The following RIC8B variants were observed in gnomAD, a reference collection of about 807,000 sequenced individuals.
The protein encoded by RIC8B is RIC8 guanine nucleotide exchange factor B.
A neutral mutation model predicts 57.5 loss-of-function variants in RIC8B; 16 were observed. That is an observed-to-expected ratio of 0.28 (90% CI 0.19 to 0.42). The LOEUF (loss-of-function observed/expected upper bound fraction) is 0.42. Among genes scored for constraint, RIC8B ranks in the 10% least tolerant of loss-of-function variants. The probability of loss-of-function intolerance (pLI) is 1.00; values close to 1 mark genes in which losing one functional copy is unlikely to be tolerated. For missense variants in RIC8B, 481 were observed against 677.0 expected, an observed-to-expected ratio of 0.71 and a Z score of 3.21; for synonymous variants, 216 against 250.8, an observed-to-expected ratio of 0.86 and a Z score of 1.31.
At chr12:106,836,610 T>C (rs2046611012) in intron 4 of RIC8B, among the ~76,000 whole-genome samples, 2 of 152,236 alleles carry the variant, frequency 1.3e-5, no homozygotes, top group South Asian at 4.1e-4. Flanking sequence ...ATGTATCGAA[T>C]GAACCACTTC....
At chr12:106,821,667 AAAG>A (rs1354141133) in intron 3 of RIC8B, among the ~76,000 whole-genome samples, 4 of 152,230 alleles carry the variant, frequency 2.6e-5, no homozygotes, top group Non-Finnish European at 5.9e-5. Flanking sequence ...GAATTCATCA[AAAG>A]AAGCAAAAAG....
At chr12:106,822,676 A>T (rs559187329) in intron 3 of RIC8B, 2 of 152,348 alleles carry the variant, frequency 1.3e-5, no homozygotes, top group East Asian at 1.9e-4. Flanking sequence ...ACTGCTCAAA[A>T]GTTTCTAAAT....
chr12:106,825,919 A>G (rs1356712598), intron 4 of RIC8B, 99 bp downstream of exon 4: 3 of 769,942 alleles, frequency 3.9e-6, no homozygotes, highest in African/African-American at 1.7e-5. Flanking sequence ...AGAAAGTGAA[A>G]ATACTACAGT....
At chr12:106,783,102 A>C (rs761666886) in intron 1 of RIC8B, among the ~76,000 whole-genome samples, 4 of 152,174 alleles carry the variant, frequency 2.6e-5, no homozygotes, top group African/African-American at 4.8e-5. Flanking sequence ...ACAGAGTAGA[A>C]AATATAGTAT....
intron 4 of RIC8B, among the ~76,000 whole-genome samples, chr12:106,828,953 G>A (rs550343108): frequency 6.6e-6 from 1 of 152,138 alleles, no homozygotes; most frequent in East Asian, 1.9e-4. Context: ...TGCTTTAGGA[G>A]AAAAGTAGGT....
chr12:106,835,372 T>C (rs536082452), intron 4 of RIC8B, among the ~76,000 whole-genome samples: 2 of 152,310 alleles, frequency 1.3e-5, no homozygotes, highest in African/African-American at 4.8e-5. Context: ...AGTACCATAA[T>C]CTCTCATTCC....
At chr12:106,784,178 A>G (rs1398553515) in intron 2 of RIC8B, 134 bp downstream of exon 2, 2 of 820,140 alleles carry the variant, frequency 2.4e-6, no homozygotes, top group Non-Finnish European at 3.9e-6. Context: ...TTTTTTAGGA[A>G]CCCTGAGAAG....
intron 4 of RIC8B, among the ~76,000 whole-genome samples, chr12:106,833,424 A>G (rs2046446308): frequency 6.6e-6 from 1 of 152,080 alleles, no homozygotes. Flanking sequence ...CAACATGGAG[A>G]AACCCTGTCT....
intron 4 of RIC8B, among the ~76,000 whole-genome samples, chr12:106,835,303 C>A (rs1014181821): frequency 6.6e-6 from 1 of 152,280 alleles, no homozygotes; most frequent in East Asian, 1.9e-4. Flanking sequence ...ACTAAGACCC[C>A]TCCTTTAGAG....
chr12:106,850,650 G>T (rs971822605), intron 6 of RIC8B, among the ~76,000 whole-genome samples: 1 of 152,042 alleles, frequency 6.6e-6, no homozygotes, highest in Non-Finnish European at 1.5e-5. Context: ...TCTCCTTTGC[G>T]GGATTACTGT....
chr12:106,841,672 C>T (rs554077441), intron 4 of RIC8B, among the ~76,000 whole-genome samples: 42 of 152,152 alleles, frequency 2.8e-4, no homozygotes, highest in African/African-American at 9.6e-4. Flanking sequence ...AATAAAATGC[C>T]TGTCTTTCCA....
chr12:106,782,838 C>A (rs191086650), intron 1 of RIC8B, among the ~76,000 whole-genome samples: 39 of 152,298 alleles, frequency 2.6e-4, no homozygotes, highest in African/African-American at 8.9e-4. Context: ...GTACTTCACT[C>A]CTGGTGGGTT....
Position 106,815,111 on chromosome 12 carries a change from G to A in RIC8B, c.548G>A (p.Arg183His), listed in dbSNP as rs1053541430. The A allele has an allele frequency of 7.4e-6, 12 of 1,614,062 alleles. No individual in the cohort carries two copies. Among genetic ancestry groups the A allele is most frequent in the Admixed American group, 1.7e-5 (1 of 60,000 alleles). ...CACACCGACATCAGGTCACAATTGCGCTATGAGCTCCAGGGACTACCGCTG... is the reference window on the plus strand; with the variant it reads ...CACACCGACATCAGGTCACAATTGCACTATGAGCTCCAGGGACTACCGCTG... ...LLHTDIRSQLRYELQGLPLLT... is the reference protein window; with the variant it reads ...LLHTDIRSQLHYELQGLPLLT... Residue 183 changes from arginine to histidine, a missense_variant, in exon 3 of 10, where the codon CGC becomes CAC. Physicochemically the swap from Arg to His is conservative, Grantham distance 29 (BLOSUM62 0). Transcript: ENST00000392837.
At chr12:106,880,026 A>G (rs1236294031) in intron 9 of RIC8B, 2 of 844,160 alleles carry the variant, frequency 2.4e-6, no homozygotes, top group Non-Finnish European at 2.9e-6. Context: ...CCGTTTTACC[A>G]TGATATACAT....
chr12:106,824,799 C>A (rs530213990), intron 3 of RIC8B, among the ~76,000 whole-genome samples: 1 of 151,564 alleles, frequency 6.6e-6, no homozygotes, highest in African/African-American at 2.4e-5. Flanking sequence ...CCCATCTACT[C>A]GGGAGGCTGA....
At chr12:106,851,859 A>G (rs78047085) in intron 7 of RIC8B, among the ~76,000 whole-genome samples, 1 of 152,186 alleles carries the variant, frequency 6.6e-6, no homozygotes, top group African/African-American at 2.4e-5. Context: ...CCCAGCCTTC[A>G]TCTTAATGGG....
intron 4 of RIC8B, among the ~76,000 whole-genome samples, chr12:106,830,968 G>A (rs1349159247): frequency 6.6e-6 from 1 of 152,180 alleles, no homozygotes; most frequent in Non-Finnish European, 1.5e-5. Flanking sequence ...GGTCTGTCAT[G>A]ATGAAGAAAG....
chr12:106,814,339 C>T (rs772509698), intron 2 of RIC8B, among the ~76,000 whole-genome samples: 3 of 152,138 alleles, frequency 2.0e-5, no homozygotes, highest in Non-Finnish European at 4.4e-5. Context: ...GTTTCTGAAA[C>T]ATGGGACTGC....
intron 1 of RIC8B, 67 bp from the exon 2 acceptor site, chr12:106,783,930 T>G: frequency 6.8e-7 from 1 of 1,474,346 alleles, no homozygotes; most frequent in Non-Finnish European, 9.4e-7. Context: ...TAGATGCTAT[T>G]AAACGTAGCC....
Sources: gnomAD v4.1 joint callset for allele counts (sites outside exome capture counted in the v4.1 genomes callset) on GRCh38, gnomAD v4.1.1 for gene constraint, MANE v1.5 for transcripts, NCBI Gene and HGNC (gene_info 2026-07-23, HGNC 2026-07-21) for gene names.